NHS: variants seen among roughly 807,000 people sequenced by gnomAD.
NHS encodes NHS actin remodeling regulator.
NHS carries 5 observed loss-of-function variants against 72.5 expected under a neutral mutation model. The observed-to-expected ratio is 0.07, with a 90% confidence interval of 0.04 to 0.14. The LOEUF (loss-of-function observed/expected upper bound fraction) is 0.14. NHS is among the 10% of genes least tolerant of loss of function. The pLI, the probability that NHS is intolerant of heterozygous loss-of-function variation, is 1.00. For missense variants in NHS, 1,072 were observed against 1,355.7 expected, an observed-to-expected ratio of 0.79 and a Z score of 3.29; for synonymous variants, 464 against 547.7, an observed-to-expected ratio of 0.85 and a Z score of 2.13.
At chrX:17,446,010 T>G (rs2064777987) in intron 1 of NHS, among the ~76,000 whole-genome samples, 1 of 110,688 alleles carries the variant, frequency 9.0e-6, no homozygotes, top group Admixed American at 9.7e-5. Flanking sequence ...TATTTGGACC[T>G]TATGTCTTCC....
intron 1 of NHS, among the ~76,000 whole-genome samples, chrX:17,474,835 C>A (rs1005624373): frequency 1.8e-5 from 2 of 111,041 alleles, no homozygotes; most frequent in Non-Finnish European, 3.8e-5. Context: ...CTTGGAGGCA[C>A]CCCACAGCAT....
chrX:17,416,819 T>TGTGTGTGTGAGA (rs1445369548), intron 1 of NHS, among the ~76,000 whole-genome samples: 17 of 98,194 alleles, frequency 1.7e-4, no homozygotes, highest in African/African-American at 6.7e-4. Context: ...TGTGTGTGTG[T>TGTGTGTGTGAGA]GAGAGAGAGA....
At chrX:17,515,573 G>A (rs1282724620) in intron 1 of NHS, among the ~76,000 whole-genome samples, 1 of 112,326 alleles carries the variant, frequency 8.9e-6, no homozygotes, top group African/African-American at 3.2e-5. Context: ...GCTGTAGCTT[G>A]AATGTAGAAC....
chrX:17,661,227 C>T (rs371099884), intron 1 of NHS, among the ~76,000 whole-genome samples: 1 of 111,649 alleles, frequency 9.0e-6, no homozygotes, highest in East Asian at 2.8e-4. Flanking sequence ...AGGAGCATAC[C>T]AATTGGATGA....
chrX:17,397,172 C>T (rs112140054), intron 1 of NHS, among the ~76,000 whole-genome samples: 3 of 112,837 alleles, frequency 2.7e-5, no homozygotes, highest in African/African-American at 9.6e-5. Flanking sequence ...GCTTTCAGCA[C>T]AGAGCTGGAA....
Position 17,692,388 on chromosome X carries a change from A to G in NHS, c.772A>G (p.Ile258Val). The change falls in exon 3 of 9, where the codon ATT becomes GTT. Residue 258 changes from isoleucine (I) to valine (V), a missense_variant. By Grantham distance (29) the Ile-to-Val change is conservative (BLOSUM62 3). Transcript: ENST00000676302. The part of the protein sequence containing the change: ...REQRAAAPLS[I>V]AAPPLPAYPP... ...GCAAAGAGCAGCTGCCCCCCTTTCC[A>G]TTGCAGCTCCTCCACTGCCAGCCTA... The G allele has an allele frequency of 8.3e-7, 1 of 1,208,576 alleles. No individual in the cohort carries two copies. The highest frequency in any genetic ancestry group is 2.2e-5 in the Admixed American group (1 of 45,714).
chrX:17,413,212 T>C (rs1166033047), intron 1 of NHS, among the ~76,000 whole-genome samples: 1 of 112,433 alleles, frequency 8.9e-6, no homozygotes, highest in Non-Finnish European at 1.9e-5. Flanking sequence ...ACATGTAATT[T>C]TGTCTTACAG....
At chrX:17,595,237 G>A (rs2065619775) in intron 1 of NHS, among the ~76,000 whole-genome samples, 1 of 111,761 alleles carries the variant, frequency 8.9e-6, no homozygotes, top group African/African-American at 3.3e-5. Context: ...ATCCTGAAGA[G>A]TGGGTACCAA....
At chrX:17,690,613 A>G (rs1195252297) in intron 2 of NHS, among the ~76,000 whole-genome samples, 1 of 112,303 alleles carries the variant, frequency 8.9e-6, no homozygotes, top group East Asian at 2.8e-4. Flanking sequence ...CTAAGAGTCA[A>G]AAAGCAATAA....
At chrX:17,528,583 T>C (rs1029683276) in intron 1 of NHS, 1 of 112,146 alleles carries the variant, frequency 8.9e-6, no homozygotes, top group Non-Finnish European at 1.9e-5. Flanking sequence ...GGTTTACCAA[T>C]GGAGGAACTT....
chrX:17,548,685 C>T (rs2065307199), intron 1 of NHS, among the ~76,000 whole-genome samples: 1 of 111,920 alleles, frequency 8.9e-6, no homozygotes, highest in African/African-American at 3.3e-5. Flanking sequence ...TGTGTACATG[C>T]TTGTACATGC....
intron 3 of NHS, among the ~76,000 whole-genome samples, chrX:17,707,279 T>G (rs2066301998): frequency 8.9e-6 from 1 of 112,185 alleles, no homozygotes; most frequent in Non-Finnish European, 1.9e-5. Context: ...AGAGGAACAC[T>G]AAGACCTAAA....
chrX:17,658,283 A>AT (rs1007968961), intron 1 of NHS, among the ~76,000 whole-genome samples: 15 of 111,868 alleles, frequency 1.3e-4, no homozygotes, highest in African/African-American at 2.9e-4. Flanking sequence ...TAGGATTTTT[A>AT]TTTTTTTTGG....
At chrX:17,474,677 A>G (rs1045782722) in intron 1 of NHS, among the ~76,000 whole-genome samples, 8 of 111,885 alleles carry the variant, frequency 7.2e-5, no homozygotes, top group Non-Finnish European at 1.1e-4. Flanking sequence ...TTTGGATGCA[A>G]GTTTCCTCTA....
chrX:17,706,935 C>G (rs972300628), intron 3 of NHS, among the ~76,000 whole-genome samples: 1 of 111,937 alleles, frequency 8.9e-6, no homozygotes, highest in Non-Finnish European at 1.9e-5. Context: ...CATTCCTATT[C>G]AATTACAGCA....
At chrX:17,438,571 A>G (rs1475046147) in intron 1 of NHS, among the ~76,000 whole-genome samples, 1 of 112,051 alleles carries the variant, frequency 8.9e-6, no homozygotes, top group Admixed American at 9.4e-5. Flanking sequence ...CTGCATTTGA[A>G]CAAGTTCCCC....
chrX:17,615,916 T>C (rs889510747), intron 1 of NHS, among the ~76,000 whole-genome samples: 1 of 111,007 alleles, frequency 9.0e-6, no homozygotes, highest in Non-Finnish European at 1.9e-5. Context: ...GAGCCCTTTA[T>C]TGTGAGCTCA....
chrX:17,391,171 C>A (rs2064443765), intron 1 of NHS, among the ~76,000 whole-genome samples: 1 of 111,875 alleles, frequency 8.9e-6, no homozygotes, highest in Non-Finnish European at 1.9e-5. Context: ...TCAAGCTTTG[C>A]ATTTTTAAAT....
chrX:17,719,214 G>GGGAA (rs1183546061), intron 3 of NHS, 130 bp from the exon 4 acceptor site: 8 of 498,974 alleles, frequency 1.6e-5, no homozygotes, highest in African/African-American at 1.2e-4. Context: ...GGAGGAAGGA[G>GGGAA]GGAAGGAAGG....
Sources: gnomAD v4.1 joint callset for allele counts (sites outside exome capture counted in the v4.1 genomes callset) on GRCh38, gnomAD v4.1.1 for gene constraint, MANE v1.5 for transcripts, NCBI Gene and HGNC (gene_info 2026-07-23, HGNC 2026-07-21) for gene names.